Variants in FUT7 observed in about 807,000 individuals in gnomAD.
FUT7 encodes fucosyltransferase 7.
In FUT7, 2 loss-of-function variants were observed where a neutral mutation model predicts 5.0. That is an observed-to-expected ratio of 0.40 (90% CI 0.16 to 1.26). FUT7 has a LOEUF of 1.26. FUT7 is among the 50% of genes most tolerant of loss of function. The pLI is 0.32. For missense variants in FUT7, 461 were observed against 489.8 expected, an observed-to-expected ratio of 0.94 and a Z score of 0.55; for synonymous variants, 218 against 210.6, an observed-to-expected ratio of 1.03 and a Z score of -0.30.
rs1371564651 is a variant in FUT7, at chr9:137,031,439, G to C, written c.300C>G (p.Thr100=). 3 of 1,555,622 alleles carry C rather than the reference G, an allele frequency of 1.9e-6. No individual in the cohort carries two copies. The African/African-American group carries it at 4.1e-5, about 21-fold the overall frequency. The part of the protein sequence containing the change: ...AVVFHHRELQ[T]RRSHLPLAQR... ...GGGCCAGGGGCAGGTGGGACCGCCG[G>C]GTCTGCAGCTCGCGGTGGTGGAAGA... Residue 100 remains threonine (T), a synonymous_variant, in exon 2 of 2, where the codon ACC becomes ACG. Transcript: ENST00000314412.
In FUT7 at chr9:137,031,030, T is replaced by C. The variant is rs1406103209; in HGVS notation, c.709A>G (p.Ile237Val). The change falls in exon 2 of 2, where the codon ATT becomes GTT. Residue 237 changes from isoleucine to valine, a missense_variant. Transcript: ENST00000314412. ...GCGTTGCGCCAGAATTTCTCCGTAA[T>C]GTAGTCGCGGTGCTGAGAGTTCTCA... ...SFENSQHRDY[I>V]TEKFWRNALV... The C allele has an allele frequency of 3.1e-6, 5 of 1,612,716 alleles. No individual in the cohort carries two copies. The highest frequency in any genetic ancestry group is 1.3e-5 in the African/African-American group (1 of 74,932).
Position 137,031,737 on chromosome 9 carries a change from C to A in FUT7, c.14-12G>T. ...GGTGGGGCCGTGCCCTGCAGCAGCA[C>A]GAGGGAGGGGAGGCTCTGTCACTTG... On this transcript the variant is annotated splice_polypyrimidine_tract_variant and intron_variant, in intron 1 of 1. Coordinates refer to ENST00000314412, the MANE Select transcript of FUT7 (RefSeq NM_004479.4). The A allele has an allele frequency of 6.5e-7, 1 of 1,542,034 alleles. No individual in the cohort carries two copies. Among genetic ancestry groups the A allele is most frequent in the Non-Finnish European group, 8.7e-7 (1 of 1,146,890 alleles).
chr9:137,031,359 G>A lies in FUT7; in HGVS notation c.380C>T (p.Thr127Ile). ...VWASMESPSH[T>I]HGLSHLRGIF... ...GCCTCGGAGGTGGCTGAGGCCGTGG[G>A]TGTGGCTAGGAGACTCCATGGAGGC... Residue 127 changes from threonine (T) to isoleucine (I), a missense_variant, in exon 2 of 2, where the codon ACC (threonine) becomes ATC (isoleucine). Thr to Ile is a moderately conservative substitution (Grantham distance 89). Coordinates refer to ENST00000314412, the MANE Select transcript of FUT7 (RefSeq NM_004479.4). 4 of 1,596,166 alleles carry A rather than the reference G, an allele frequency of 2.5e-6. No individual in the cohort carries two copies. The highest frequency in any genetic ancestry group is 3.4e-6 in the Non-Finnish European group (4 of 1,173,154).
In FUT7 at chr9:137,031,682, G is replaced by T; in HGVS notation, c.57C>A (p.Ala19=). 1 of 1,550,432 alleles carries T rather than the reference G, an allele frequency of 6.4e-7. No homozygotes were observed. The highest frequency in any genetic ancestry group is 8.7e-7 in the Non-Finnish European group (1 of 1,148,434). Residue 19 remains alanine (A), a synonymous_variant, in exon 2 of 2, where the codon GCC becomes GCA. Transcript: ENST00000314412. ...AGAGGGCAGCGAGCAGAGCCACCCC[G>T]GCCAGGACCCCCAAGCCTCGCAGCC... ...TRRLRGLGVL[A]GVALLAALWL...
rs1831854688 is a variant in FUT7, at chr9:137,031,513, A to C, written c.226T>G (p.Cys76Gly). ...AGGCTTCGGTTGGCACTCAGGTGGC[A>C]GCGGGCGATGCCGTAGCGGGTGCAG... The part of the protein sequence containing the change: ...DTCTRYGIAR[C>G]HLSANRSLLA... Residue 76 changes from cysteine to glycine, a missense_variant, in exon 2 of 2, where the codon TGC becomes GGC. Transcript: ENST00000314412. 1 of 1,555,846 alleles carries C rather than the reference A, an allele frequency of 6.4e-7. No homozygotes were observed. Among genetic ancestry groups the C allele is most frequent in the African/African-American group, 1.4e-5 (1 of 73,560 alleles).
Position 137,030,441 on chromosome 9 carries a change from C to G in FUT7, c.*269G>C, listed in dbSNP as rs566318358. The G allele has an allele frequency of 1.9e-6, 1 of 529,380 alleles. No individual in the cohort carries two copies. The highest frequency in any genetic ancestry group is 3.4e-6 in the Non-Finnish European group (1 of 290,192). The allele number at this position is 529,380 out of a possible 1,614,324, so 32.8% of individuals were successfully genotyped here. A position where few individuals can be genotyped will look rare whatever the true frequency, so the allele number is the denominator to read the frequency against. On this transcript the variant is annotated 3_prime_UTR_variant, in exon 2 of 2. Transcript: ENST00000314412. ...TGCCTTTCACCCTCTTCCAGCCAGG[C>G]CTTCACCCACCCAAGATTTGTTCAG...
Position 137,031,497 on chromosome 9 carries a change from T to C in FUT7, c.242A>G (p.Asn81Ser). Residue 81 changes from asparagine to serine, a missense_variant, in exon 2 of 2, where the codon AAC becomes AGC. Physicochemically the swap from Asn to Ser is conservative, Grantham distance 46. Transcript: ENST00000314412. ...GTCGGCGCTGGCCAGCAGGCTTCGGTTGGCACTCAGGTGGCAGCGGGCGAT... is the reference window on the plus strand; with the variant it reads ...GTCGGCGCTGGCCAGCAGGCTTCGGCTGGCACTCAGGTGGCAGCGGGCGAT... Reference protein sequence around the residue: ...YGIARCHLSANRSLLASADAV... With the variant: ...YGIARCHLSASRSLLASADAV... 4 of 1,554,670 alleles carry C rather than the reference T, an allele frequency of 2.6e-6. No homozygotes were observed. Among genetic ancestry groups the C allele is most frequent in the Non-Finnish European group, 3.5e-6 (4 of 1,149,956 alleles).
chr9:137,031,536 C>T lies in FUT7; in HGVS notation c.203G>A (p.Cys68Tyr), dbSNP rs1831855503. Residue 68 changes from cysteine to tyrosine, a missense_variant, in exon 2 of 2, where the codon TGC becomes TAC. Physicochemically the swap from Cys to Tyr is radical, Grantham distance 194. Transcript: ENST00000314412. ...GCAGCGGGCGATGCCGTAGCGGGTGCAGGTGTCGCTGGGCAGCTCTGGGGG... is the reference window on the plus strand; with the variant it reads ...GCAGCGGGCGATGCCGTAGCGGGTGTAGGTGTCGCTGGGCAGCTCTGGGGG... ...DQPPELPSDT[C>Y]TRYGIARCHL... 4 of 1,561,402 alleles carry T rather than the reference C, an allele frequency of 2.6e-6. No individual in the cohort carries two copies. Among genetic ancestry groups the T allele is most frequent in the Non-Finnish European group, 3.5e-6 (4 of 1,154,080 alleles).
chr9:137,030,697 C>T lies in FUT7; in HGVS notation c.*13G>A, dbSNP rs752911655. On this transcript the variant is annotated 3_prime_UTR_variant, in exon 2 of 2. Coordinates refer to ENST00000314412, the MANE Select transcript of FUT7 (RefSeq NM_004479.4). Reference sequence around the variant, plus strand: ...CCCTTCCACCCACACCCACCTCCCCCGGCCAGCGGATCTCAGGCCTGAAAC... The same window carrying T: ...CCCTTCCACCCACACCCACCTCCCCTGGCCAGCGGATCTCAGGCCTGAAAC... 1.6e-5 allele frequency: 25 copies of T among 1,612,394 alleles called. No individual in the cohort carries two copies. Among genetic ancestry groups the T allele is most frequent in the Admixed American group, 1.3e-4 (8 of 59,968 alleles).
In FUT7 at chr9:137,031,530, C is replaced by T. The variant is rs200458539; in HGVS notation, c.209G>A (p.Arg70His). The change falls in exon 2 of 2, where the codon CGC becomes CAC. Residue 70 changes from arginine to histidine, a missense_variant. Physicochemically the swap from Arg to His is conservative, Grantham distance 29. Transcript: ENST00000314412. ...PPELPSDTCT[R>H]YGIARCHLSA... ...CAGGTGGCAGCGGGCGATGCCGTAGCGGGTGCAGGTGTCGCTGGGCAGCTC... is the reference window on the plus strand; with the variant it reads ...CAGGTGGCAGCGGGCGATGCCGTAGTGGGTGCAGGTGTCGCTGGGCAGCTC... 317 of 1,559,662 alleles carry T rather than the reference C, an allele frequency of 2.0e-4. No individual in the cohort carries two copies. The highest frequency in any genetic ancestry group is 8.0e-4 in the Middle Eastern group (4 of 5,026).
rs1159874909 is a variant in FUT7, at chr9:137,031,663, C to T, written c.76G>A (p.Ala26Thr). 4 of 1,552,280 alleles carry T rather than the reference C, an allele frequency of 2.6e-6. No homozygotes were observed. The Admixed American group carries it at 7.8e-5, about 30-fold the overall frequency. ...CCCAGCAGCCACAGGAGCCAGAGGGCAGCGAGCAGAGCCACCCCGGCCAGG... is the reference window on the plus strand; with the variant it reads ...CCCAGCAGCCACAGGAGCCAGAGGGTAGCGAGCAGAGCCACCCCGGCCAGG... Reference protein sequence around the residue: ...GVLAGVALLAALWLLWLLGSA... With the variant: ...GVLAGVALLATLWLLWLLGSA... The change falls in exon 2 of 2, where the codon GCC becomes ACC. Residue 26 changes from alanine to threonine, a missense_variant. By Grantham distance (58) the Ala-to-Thr change is moderately conservative. Transcript: ENST00000314412.
Position 137,030,979 on chromosome 9 carries a change from C to T in FUT7, c.760G>A (p.Val254Met). The change falls in exon 2 of 2, where the codon GTG becomes ATG. Residue 254 changes from valine (V) to methionine (M), a missense_variant. Transcript: ENST00000314412. ...TAGGTGGCCCGTGGGGGCCCCAGCA[C>T]CACTGGCACAGTGCCAGCCACCAGT... ...NALVAGTVPV[V>M]LGPPRATYEA... is the part of the protein sequence containing the mutation. 1 of 1,612,866 alleles carries T rather than the reference C, an allele frequency of 6.2e-7. No individual in the cohort carries two copies. Among genetic ancestry groups the T allele is most frequent in the East Asian group, 2.2e-5 (1 of 44,890 alleles).
chr9:137,031,168 G>A lies in FUT7; in HGVS notation c.571C>T (p.Arg191Trp), dbSNP rs376224877. 1.2e-5 allele frequency: 20 copies of A among 1,611,014 alleles called. No homozygotes were observed. The East Asian group carries it at 2.0e-4, about 16-fold the overall frequency. Residue 191 changes from arginine to tryptophan, a missense_variant, in exon 2 of 2, where the codon CGG becomes TGG. Arg to Trp is a moderately radical substitution (Grantham distance 101). Coordinates refer to ENST00000314412, the MANE Select transcript of FUT7 (RefSeq NM_004479.4). ...QERQLRARLYRQLAPHLRVDV... is the reference protein window; with the variant it reads ...QERQLRARLYWQLAPHLRVDV... ...ACCCGCAGATGAGGCGCCAGCTGCC[G>A]GTACAGCCTGGCACGCAGCTGCCGC... is the stretch of plus-strand genomic sequence containing the variant.
rs1831827372 is a variant in FUT7, at chr9:137,030,605, A to G, written c.*105T>C. 1 of 1,378,926 alleles carries G rather than the reference A, an allele frequency of 7.3e-7. No individual in the cohort carries two copies. Among genetic ancestry groups the G allele is most frequent in the Non-Finnish European group, 1.0e-6 (1 of 992,326 alleles). The allele number at this position is 1,378,926 out of a possible 1,614,324, so 85.4% of individuals were successfully genotyped here. Reference sequence around the variant, plus strand: ...CCCCTGCTTCCTGACCTCTGTGCCCAGCCTCCCGTTAGCCCGCTGCTTGCC... The same window carrying G: ...CCCCTGCTTCCTGACCTCTGTGCCCGGCCTCCCGTTAGCCCGCTGCTTGCC... On this transcript the variant is annotated 3_prime_UTR_variant, in exon 2 of 2. Transcript: ENST00000314412.
chr9:137,031,711 G>A lies in FUT7; in HGVS notation c.28C>T (p.Arg10Trp), dbSNP rs1444532405. Residue 10 changes from arginine (R) to tryptophan (W), a missense_variant, in exon 2 of 2, where the codon CGG becomes TGG. Coordinates refer to ENST00000314412, the MANE Select transcript of FUT7 (RefSeq NM_004479.4). Reference protein sequence around the residue: MNNAGHGPTRRLRGLGVLAG... With the variant: MNNAGHGPTWRLRGLGVLAG... ...AGGACCCCCAAGCCTCGCAGCCTCC[G>A]GGTGGGGCCGTGCCCTGCAGCAGCA... 35 of 1,545,642 alleles carry A rather than the reference G, an allele frequency of 2.3e-5. No homozygotes were observed. Among genetic ancestry groups the A allele is most frequent in the African/African-American group, 2.7e-5 (2 of 73,012 alleles).
rs971540923 is a variant in FUT7 at position 137,030,535 on chromosome 9, A to C, written c.*175T>G. The C allele has an allele frequency of 5.6e-6, 4 of 718,840 alleles. No homozygotes were observed. Among genetic ancestry groups the C allele is most frequent in the South Asian group, 3.4e-5 (2 of 58,132 alleles). 44.5% of individuals were successfully genotyped at this position (718,840 alleles called of 1,614,324 possible). A position where few individuals can be genotyped will look rare whatever the true frequency, so the allele number is the denominator to read the frequency against. ...AGCAGGCACCCGTTACCTCCCTCCC[A>C]CTCTCACCTCCTCTGCATGCTCCAG... On this transcript the variant is annotated 3_prime_UTR_variant, in exon 2 of 2. Coordinates refer to ENST00000314412, the MANE Select transcript of FUT7 (RefSeq NM_004479.4).
At position 137,030,308 on chromosome 9, in the gene FUT7, G is replaced by A. The variant is rs917234453; in HGVS notation, c.*402C>T. The A allele has an allele frequency of 2.5e-5, 7 of 280,034 alleles. No individual in the cohort carries two copies. The highest frequency in any genetic ancestry group is 1.1e-4 in the African/African-American group (5 of 45,826). 17.3% of individuals were successfully genotyped at this position (280,034 alleles called of 1,614,324 possible). On this transcript the variant is annotated 3_prime_UTR_variant, in exon 2 of 2. Coordinates refer to ENST00000314412, the MANE Select transcript of FUT7 (RefSeq NM_004479.4). ...AGAACTATGGACGTGGCAGGGACCCGTGCCTGTGTCTCGGGGACCACAGGG... is the reference window on the plus strand; with the variant it reads ...AGAACTATGGACGTGGCAGGGACCCATGCCTGTGTCTCGGGGACCACAGGG...
rs1218097377 is a variant in FUT7 at position 137,030,347 on chromosome 9, G to C, written c.*363C>G. ...GGGACCACAGGGCCTCTGCTACCGA[G>C]GAAGCTCGGGGTCCCAGGTTTGGCC... is the stretch of plus-strand genomic sequence containing the variant. On this transcript the variant is annotated 3_prime_UTR_variant, in exon 2 of 2. Coordinates refer to ENST00000314412, the MANE Select transcript of FUT7 (RefSeq NM_004479.4). The C allele has an allele frequency of 3.1e-6, 1 of 319,664 alleles. No homozygotes were observed. Among genetic ancestry groups the C allele is most frequent in the Non-Finnish European group, 6.0e-6 (1 of 165,448 alleles). 19.8% of individuals were successfully genotyped at this position (319,664 alleles called of 1,614,324 possible). A position where few individuals can be genotyped will look rare whatever the true frequency, so the allele number is the denominator to read the frequency against.
In FUT7 at chr9:137,031,524, C is replaced by A; in HGVS notation, c.215G>T (p.Gly72Val). The A allele has an allele frequency of 1.9e-6, 3 of 1,557,604 alleles. No individual in the cohort carries two copies. Among genetic ancestry groups the A allele is most frequent in the Non-Finnish European group, 2.6e-6 (3 of 1,151,810 alleles). Reference sequence around the variant, plus strand: ...GGCACTCAGGTGGCAGCGGGCGATGCCGTAGCGGGTGCAGGTGTCGCTGGG... The same window carrying A: ...GGCACTCAGGTGGCAGCGGGCGATGACGTAGCGGGTGCAGGTGTCGCTGGG... ...ELPSDTCTRY[G>V]IARCHLSANR... Residue 72 changes from glycine (G) to valine (V), a missense_variant, in exon 2 of 2, where the codon GGC becomes GTC. Physicochemically the swap from Gly to Val is moderately radical, Grantham distance 109. Transcript: ENST00000314412.
Sources: gnomAD v4.1 joint callset for allele counts on GRCh38, gnomAD v4.1.1 for gene constraint, MANE v1.5 for transcripts, NCBI Gene and HGNC (gene_info 2026-07-23, HGNC 2026-07-21) for gene names.